SUPT3H: variants seen among roughly 807,000 people sequenced by gnomAD.
SUPT3H encodes transcription initiation protein SPT3 homolog.
A neutral mutation model predicts 44.3 loss-of-function variants in SUPT3H; 44 were observed. The ratio of observed to expected loss-of-function variants is 0.99; its 90% CI spans 0.78 to 1.28. The LOEUF (loss-of-function observed/expected upper bound fraction) is 1.28, where lower values mean the gene tolerates loss of function less well. Ranked by LOEUF, SUPT3H falls within the 50% of genes most tolerant of loss-of-function variation. The pLI is 0.00. For synonymous variants in SUPT3H, 124 were observed against 125.6 expected (o/e 0.99, Z 0.09); for missense variants, 380 against 387.1 (o/e 0.98, Z 0.15).
chr6:44,971,371 A>G (rs1777543518), intron 6 of SUPT3H, among the ~76,000 whole-genome samples: 1 of 152,142 alleles, frequency 6.6e-6, no homozygotes, highest in South Asian at 2.1e-4. Context: ...TTTATAAAGG[A>G]AAGAAGTTTA....
chr6:45,284,124 G>A (rs552427462), intron 2 of SUPT3H, among the ~76,000 whole-genome samples: 2 of 152,120 alleles, frequency 1.3e-5, no homozygotes, highest in East Asian at 3.9e-4. Context: ...AGCACTACAT[G>A]CCCACAAGAG....
At chr6:45,297,027 T>C (rs749041079) in intron 2 of SUPT3H, among the ~76,000 whole-genome samples, 15 of 150,592 alleles carry the variant, frequency 1.0e-4, no homozygotes, top group Non-Finnish European at 1.9e-4. Context: ...AAAGAACTTA[T>C]TCATGTAACC....
chr6:45,340,752 G>C (rs536040135), intron 2 of SUPT3H, among the ~76,000 whole-genome samples: 1 of 151,998 alleles, frequency 6.6e-6, no homozygotes, highest in South Asian at 2.1e-4. Context: ...TAATTTAGGG[G>C]TAAAAAATTA....
intron 6 of SUPT3H, among the ~76,000 whole-genome samples, chr6:44,985,559 C>T (rs1779680931): frequency 6.6e-6 from 1 of 152,110 alleles, no homozygotes; most frequent in East Asian, 1.9e-4. Context: ...ACCTCTTTAA[C>T]CCATATGCAC....
intron 3 of SUPT3H, among the ~76,000 whole-genome samples, chr6:45,037,674 T>C (rs1237271296): frequency 1.3e-5 from 2 of 150,066 alleles, no homozygotes; most frequent in Non-Finnish European, 1.5e-5. Context: ...AAAAATTAAA[T>C]AATTAATTAA....
intron 9 of SUPT3H, among the ~76,000 whole-genome samples, chr6:44,940,759 T>C (rs1582638381): frequency 6.6e-6 from 1 of 152,184 alleles, no homozygotes. Flanking sequence ...TGGGTGCATA[T>C]ATACTTAGAA....
chr6:44,859,149 T>C (rs1183949737), intron 10 of SUPT3H, among the ~76,000 whole-genome samples: 1 of 152,202 alleles, frequency 6.6e-6, no homozygotes, highest in Non-Finnish European at 1.5e-5. Flanking sequence ...TGTTCTCAAG[T>C]TGCCTAGCCC....
intron 2 of SUPT3H, among the ~76,000 whole-genome samples, chr6:45,194,986 A>G (rs2153621363): frequency 6.6e-6 from 1 of 152,270 alleles, no homozygotes; most frequent in African/African-American, 2.4e-5. Context: ...TTGCAGTGTA[A>G]TGTTTTTCAG....
At position 44,828,246 on chromosome 6, in the gene SUPT3H, G is replaced by A. The variant is rs1466322311; in HGVS notation, c.*1570C>T. ...AATTTTCCATGATTATGGATGCCAA[G>A]GAAAATAAGAATGATAAAAAGTTTA... is the stretch of plus-strand genomic sequence containing the variant. On this transcript the variant is annotated 3_prime_UTR_variant, in exon 11 of 11. Coordinates refer to ENST00000371459, the MANE Select transcript of SUPT3H (RefSeq NM_003599.4). Among the ~76,000 whole-genome samples, 6 of 151,364 alleles carry A rather than the reference G, an allele frequency of 4.0e-5. No individual in the cohort carries two copies. Among genetic ancestry groups the A allele is most frequent in the Non-Finnish European group, 7.4e-5 (5 of 67,948 alleles).
chr6:45,295,842 G>T (rs762706047), intron 2 of SUPT3H, among the ~76,000 whole-genome samples: 3 of 152,110 alleles, frequency 2.0e-5, no homozygotes, highest in African/African-American at 4.8e-5. Flanking sequence ...TGTTGGCATG[G>T]ATGCACTAAA....
At chr6:44,952,254 T>C (rs1774426281) in intron 9 of SUPT3H, among the ~76,000 whole-genome samples, 2 of 152,202 alleles carry the variant, frequency 1.3e-5, no homozygotes, top group African/African-American at 4.8e-5. Flanking sequence ...CACAGATCCC[T>C]TGGATCCATA....
chr6:45,182,790 AT>A (rs1285418666), intron 2 of SUPT3H, among the ~76,000 whole-genome samples: 1 of 152,224 alleles, frequency 6.6e-6, no homozygotes, highest in Non-Finnish European at 1.5e-5. Flanking sequence ...ATACAACTAC[AT>A]ACCTACCAGG....
At chr6:45,269,806 A>C (rs1775832530) in intron 2 of SUPT3H, among the ~76,000 whole-genome samples, 1 of 152,162 alleles carries the variant, frequency 6.6e-6, no homozygotes, top group Non-Finnish European at 1.5e-5. Flanking sequence ...AAATCCATCC[A>C]CTGAAATTAT....
At chr6:44,896,947 C>T (rs1381618823) in intron 10 of SUPT3H, among the ~76,000 whole-genome samples, 4 of 152,140 alleles carry the variant, frequency 2.6e-5, no homozygotes, top group East Asian at 3.8e-4. Context: ...TGTGCCAAAG[C>T]GCCTTATGCA....
intron 2 of SUPT3H, among the ~76,000 whole-genome samples, chr6:45,211,337 T>C (rs906376789): frequency 1.1e-4 from 16 of 152,158 alleles, no homozygotes; most frequent in African/African-American, 3.6e-4. Flanking sequence ...GTCCTCATAC[T>C]TTATGTTTAT....
chr6:45,299,863 T>C (rs530668443), intron 2 of SUPT3H, among the ~76,000 whole-genome samples: 9 of 96,898 alleles, frequency 9.3e-5, no homozygotes, highest in Non-Finnish European at 2.0e-5. Flanking sequence ...AAAATGTTTT[T>C]ATGTTCTTTT....
intron 1 of SUPT3H, among the ~76,000 whole-genome samples, chr6:45,370,583 G>A (rs1342428920): frequency 6.6e-6 from 1 of 152,032 alleles, no homozygotes; most frequent in African/African-American, 2.4e-5. Context: ...AGGATATAAG[G>A]ATCAACTAAT....
intron 2 of SUPT3H, among the ~76,000 whole-genome samples, chr6:45,113,086 G>C (rs1390165991): frequency 7.2e-6 from 1 of 139,638 alleles, no homozygotes; most frequent in African/African-American, 2.8e-5. Context: ...TGGGTAACTT[G>C]CTGTCCCCAA....
At chr6:45,089,957 G>C (rs993790251) in intron 3 of SUPT3H, among the ~76,000 whole-genome samples, 6 of 151,904 alleles carry the variant, frequency 3.9e-5, no homozygotes, top group African/African-American at 1.5e-4. Flanking sequence ...TTGAAAATCT[G>C]GTCCCAAGTG....
Sources: allele counts gnomAD v4.1 joint callset (sites outside exome capture counted in the v4.1 genomes callset), GRCh38; gene constraint gnomAD v4.1.1; transcripts MANE v1.5; gene names NCBI Gene and HGNC (gene_info 2026-07-23, HGNC 2026-07-21).